Variants in UBE2L3 observed in about 807,000 individuals in gnomAD.
UBE2L3 encodes the protein ubiquitin-conjugating enzyme E2 L3.
UBE2L3 carries 1 observed loss-of-function variant against 17.8 expected under a neutral mutation model. The observed-to-expected ratio is 0.06, with a 90% CI of 0.02 to 0.27. The LOEUF (loss-of-function observed/expected upper bound fraction) is 0.27. Ranked by LOEUF, UBE2L3 falls within the 10% of genes least tolerant of loss-of-function variation. The pLI is 1.00. For synonymous variants in UBE2L3, 44 were observed against 68.5 expected (o/e 0.64, Z 1.76); for missense variants, 40 against 192.6 (o/e 0.21, Z 4.69).
At chr22:21,606,989 C>T (rs1288633204) in intron 2 of UBE2L3, among the ~76,000 whole-genome samples, 1 of 152,214 alleles carries the variant, frequency 6.6e-6, no homozygotes, top group Non-Finnish European at 1.5e-5. Flanking sequence ...AGTCTTTAGT[C>T]CTCTCTGCCT....
chr22:21,602,944 C>T (rs368982758), intron 2 of UBE2L3, among the ~76,000 whole-genome samples: 1 of 152,186 alleles, frequency 6.6e-6, no homozygotes, highest in African/African-American at 2.4e-5. Context: ...AATCGTACTT[C>T]ACTTGCTCCA....
upstream of UBE2L3, among the ~76,000 whole-genome samples, chr22:21,565,971 CTTTTT>C (rs527289152): frequency 8.2e-6 from 1 of 122,648 alleles, no homozygotes; most frequent in African/African-American, 2.9e-5. Flanking sequence ...CAGAGTACTC[CTTTTT>C]TTTTTTTTTT....
At chr22:21,616,024 A>G (rs1437852795) in intron 3 of UBE2L3, among the ~76,000 whole-genome samples, 1 of 152,184 alleles carries the variant, frequency 6.6e-6, no homozygotes, top group Admixed American at 6.5e-5. Flanking sequence ...TTTGGGCATG[A>G]GTTATAGTGC....
chr22:21,560,956 C>A (rs1287528920), intron 1 of UBE2L3, among the ~76,000 whole-genome samples: 2 of 152,264 alleles, frequency 1.3e-5, no homozygotes, highest in African/African-American at 4.8e-5. Context: ...TTTCTTCATT[C>A]ACTAAGCACA....
At chr22:21,586,135 G>T (rs924600935) in intron 1 of UBE2L3, among the ~76,000 whole-genome samples, 1 of 152,062 alleles carries the variant, frequency 6.6e-6, no homozygotes, top group East Asian at 1.9e-4. Flanking sequence ...TAGAGATAGG[G>T]TCTTGCTGTA....
intron 2 of UBE2L3, among the ~76,000 whole-genome samples, chr22:21,596,778 C>A (rs1235806527): frequency 6.6e-6 from 1 of 152,018 alleles, no homozygotes; most frequent in Non-Finnish European, 1.5e-5. Flanking sequence ...TAAGCCATTG[C>A]GCCCATCCTG....
chr22:21,616,908 A>T (rs1929806650), intron 3 of UBE2L3, among the ~76,000 whole-genome samples: 1 of 151,892 alleles, frequency 6.6e-6, no homozygotes, highest in Non-Finnish European at 1.5e-5. Context: ...ATTGCAGAGA[A>T]ACTGTCATTA....
At chr22:21,618,914 T>G (rs1266872160) in intron 3 of UBE2L3, among the ~76,000 whole-genome samples, 1 of 152,076 alleles carries the variant, frequency 6.6e-6, no homozygotes, top group African/African-American at 2.4e-5. Context: ...GTGATGATAG[T>G]GAGAAGTAGA....
chr22:21,603,529 T>TAAAAAA (rs780658850), intron 2 of UBE2L3, among the ~76,000 whole-genome samples: 3 of 79,972 alleles, frequency 3.8e-5, no homozygotes, highest in Admixed American at 1.7e-4. Context: ...GACTCTGTCT[T>TAAAAAA]AAAAAAAAAA....
chr22:21,601,789 G>C lies in UBE2L3; in HGVS notation c.123+8833G>C, dbSNP rs1928873629. 2.0e-5 allele frequency among the ~76,000 whole-genome samples: 3 copies of C among 151,668 alleles called. No individual in the cohort carries two copies. The South Asian group carries it at 6.3e-4, about 32-fold the overall frequency. ...GATCGAGACCATCCTGGCTAACACG[G>C]TGAAACCCTGTCTCTACTAAAAATA... On this transcript the variant is annotated intron_variant, in intron 2 of 3. Transcript: ENST00000342192.
intron 1 of UBE2L3, among the ~76,000 whole-genome samples, chr22:21,579,613 A>T (rs1020680445): frequency 1.3e-5 from 2 of 152,094 alleles, no homozygotes; most frequent in Non-Finnish European, 2.9e-5. Flanking sequence ...TCTGCAAAAA[A>T]TAAAATGATT....
At chr22:21,603,529 TAAAAA>T (rs780658850) in intron 2 of UBE2L3, among the ~76,000 whole-genome samples, 2 of 79,978 alleles carry the variant, frequency 2.5e-5, no homozygotes, top group South Asian at 9.1e-4. Flanking sequence ...GACTCTGTCT[TAAAAA>T]AAAAAAAAAA....
intron 2 of UBE2L3, among the ~76,000 whole-genome samples, chr22:21,596,197 C>T (rs1458582845): frequency 6.6e-6 from 1 of 152,044 alleles, no homozygotes; most frequent in African/African-American, 2.4e-5. Context: ...TTCATAACTT[C>T]ATAATAATGT....
intron 1 of UBE2L3, chr22:21,568,322 G>A (rs1478346328): frequency 5.1e-6 from 5 of 985,466 alleles, no homozygotes; most frequent in Non-Finnish European, 6.0e-6. Flanking sequence ...GGGTCGTTTG[G>A]AATTGCGCTG....
At chr22:21,580,261 A>G (rs925070312) in intron 1 of UBE2L3, among the ~76,000 whole-genome samples, 5 of 152,264 alleles carry the variant, frequency 3.3e-5, no homozygotes, top group Admixed American at 1.3e-4. Flanking sequence ...TGACTTGGAC[A>G]TCTCTGAGCC....
At chr22:21,592,823 C>A (rs1183374882) in intron 1 of UBE2L3, 38 bp from the exon 2 acceptor site, 2 of 1,505,136 alleles carry the variant, frequency 1.3e-6, no homozygotes, top group Non-Finnish European at 1.8e-6. Context: ...TGGTGCTTTC[C>A]CCTATTTGAC....
At chr22:21,612,837 A>G (rs958843394) in intron 3 of UBE2L3, among the ~76,000 whole-genome samples, 2 of 149,714 alleles carry the variant, frequency 1.3e-5, no homozygotes, top group African/African-American at 4.9e-5. Flanking sequence ...GGGTTTCACC[A>G]CGTTGACCAG....
chr22:21,592,449 A>C (rs1928315731), intron 1 of UBE2L3, among the ~76,000 whole-genome samples: 1 of 151,482 alleles, frequency 6.6e-6, no homozygotes, highest in Admixed American at 6.6e-5. Context: ...GTGCATAATC[A>C]GTGCTTAATG....
intron 3 of UBE2L3, among the ~76,000 whole-genome samples, chr22:21,614,133 A>G (rs1003859045): frequency 2.6e-5 from 4 of 152,156 alleles, no homozygotes; most frequent in African/African-American, 4.8e-5. Flanking sequence ...GCTCCTCTGG[A>G]CATGCCATTC....
Sources: gnomAD v4.1 joint callset for allele counts (sites outside exome capture counted in the v4.1 genomes callset) on GRCh38, gnomAD v4.1.1 for gene constraint, MANE v1.5 for transcripts, NCBI Gene and HGNC (gene_info 2026-07-23, HGNC 2026-07-21) for gene names.